Variants in RBM39 observed in about 807,000 individuals in gnomAD.
The protein encoded by RBM39 is RNA binding motif protein 39, also known as RNA-binding protein 39.
RBM39 carries 12 observed loss-of-function variants against 79.6 expected under a neutral mutation model. That is an observed-to-expected ratio of 0.15 (90% confidence interval 0.10 to 0.24). RBM39 has a LOEUF of 0.24. RBM39 is among the 10% of genes least tolerant of loss of function. The probability of loss-of-function intolerance (pLI) is 1.00; values close to 1 mark genes in which losing one functional copy is unlikely to be tolerated. For missense variants in RBM39, 243 were observed against 653.4 expected (o/e 0.37, Z 6.85); for synonymous variants, 185 against 208.4 (o/e 0.89, Z 0.97).
chr20:35,724,989 T>G, intron 7 of RBM39, 49 bp downstream of exon 7: 8 of 1,295,370 alleles, frequency 6.2e-6, no homozygotes, highest in Non-Finnish European at 8.8e-6. Flanking sequence ...TTACATGTTT[T>G]CTCTTGCAAT....
intron 3 of RBM39, among the ~76,000 whole-genome samples, chr20:35,733,848 T>C (rs1284191657): frequency 1.3e-5 from 2 of 152,198 alleles, no homozygotes; most frequent in Non-Finnish European, 2.9e-5. Context: ...AACATATCTT[T>C]CTGCTCACTT....
At chr20:35,727,880 C>A (rs1362224165) in intron 6 of RBM39, among the ~76,000 whole-genome samples, 1 of 152,182 alleles carries the variant, frequency 6.6e-6, no homozygotes, top group East Asian at 1.9e-4. Flanking sequence ...AACTTCTGAC[C>A]TCAGGTGATC....
chr20:35,719,086 CTACATA>C (rs2037558553), intron 9 of RBM39, among the ~76,000 whole-genome samples: 1 of 152,166 alleles, frequency 6.6e-6, no homozygotes, highest in Non-Finnish European at 1.5e-5. Context: ...GGTAAGCAAA[CTACATA>C]TACCCCATGA....
At chr20:35,715,101 A>G (rs1327507599) in intron 10 of RBM39, among the ~76,000 whole-genome samples, 1 of 152,196 alleles carries the variant, frequency 6.6e-6, no homozygotes, top group East Asian at 1.9e-4. Context: ...TGTAGATATA[A>G]GCTAACAATT....
intron 2 of RBM39, chr20:35,739,801 AC>A: frequency 3.9e-6 from 1 of 255,884 alleles, no homozygotes; most frequent in Non-Finnish European, 7.9e-6. Flanking sequence ...CCAAATTGGT[AC>A]CACATGGTCG....
intron 8 of RBM39, among the ~76,000 whole-genome samples, chr20:35,723,240 AAAAAAG>A (rs1224374174): frequency 1.3e-5 from 2 of 152,240 alleles, no homozygotes; most frequent in African/African-American, 2.4e-5. Context: ...CAAAAAAAAA[AAAAAAG>A]AAAAGTTGTC....
chr20:35,731,024 G>A (rs559320016), intron 4 of RBM39, among the ~76,000 whole-genome samples: 55 of 152,142 alleles, frequency 3.6e-4, no homozygotes, highest in Admixed American at 3.5e-3. Flanking sequence ...CTCATTAATA[G>A]CTTATCTGAA....
At chr20:35,722,053 A>G (rs1034484312) in intron 8 of RBM39, among the ~76,000 whole-genome samples, 176 bp from the exon 9 acceptor site, 2 of 152,176 alleles carry the variant, frequency 1.3e-5, no homozygotes, top group African/African-American at 4.8e-5. Context: ...AAATTCAGAA[A>G]GAGGAGGTAG....
At chr20:35,707,285 C>T in intron 13 of RBM39, 84 bp from the exon 14 acceptor site, 1 of 814,226 alleles carries the variant, frequency 1.2e-6, no homozygotes, top group Non-Finnish European at 1.9e-6. Context: ...AACCAAAAAC[C>T]CACCCCAAGC....
intron 9 of RBM39, among the ~76,000 whole-genome samples, chr20:35,720,830 A>G (rs1399354950): frequency 6.6e-6 from 1 of 152,222 alleles, no homozygotes. Context: ...ACTGTTAGGC[A>G]GAACAGCCTT....
At chr20:35,733,457 G>C (rs1202656664) in intron 3 of RBM39, among the ~76,000 whole-genome samples, 1 of 151,914 alleles carries the variant, frequency 6.6e-6, no homozygotes, top group Non-Finnish European at 1.5e-5. Flanking sequence ...AAAAATGCAA[G>C]AAGTAGTGGG....
chr20:35,706,796 G>C (rs2035781678), intron 14 of RBM39, among the ~76,000 whole-genome samples: 2 of 152,154 alleles, frequency 1.3e-5, no homozygotes, highest in South Asian at 2.1e-4. Context: ...GGTAGGCTAA[G>C]GTGGGCGGAT....
At chr20:35,711,238 T>C (rs1231889524) in intron 12 of RBM39, among the ~76,000 whole-genome samples, 2 of 152,118 alleles carry the variant, frequency 1.3e-5, no homozygotes, top group Non-Finnish European at 2.9e-5. Context: ...GAACTAAAAA[T>C]TTTCTTAGTT....
intron 10 of RBM39, among the ~76,000 whole-genome samples, chr20:35,715,102 G>C (rs957054643): frequency 1.3e-5 from 2 of 152,112 alleles, no homozygotes; most frequent in Admixed American, 6.5e-5. Flanking sequence ...GTAGATATAA[G>C]CTAACAATTT....
chr20:35,727,755 T>C (rs113014094), intron 6 of RBM39, among the ~76,000 whole-genome samples: 15,383 of 151,848 alleles, frequency 0.1, 809 homozygotes, highest in South Asian at 0.14. Flanking sequence ...GTTCAAGCGA[T>C]TCTCCTGCCT....
In RBM39 at chr20:35,704,651, A is replaced by C; in HGVS notation, c.1492+17T>G. The C allele has an allele frequency of 6.2e-7, 1 of 1,613,672 alleles. No individual in the cohort carries two copies. The highest frequency in any genetic ancestry group is 8.5e-7 in the Non-Finnish European group (1 of 1,179,602). ...GAGCCTTAATAACAATCAGTCAAAA[A>C]ATAAATTCAAACTCACCAGCAAACC... On this transcript the variant is annotated intron_variant, in intron 16 of 16. Transcript: ENST00000253363.
chr20:35,720,537 G>A (rs1277583958), intron 9 of RBM39, among the ~76,000 whole-genome samples: 1 of 151,748 alleles, frequency 6.6e-6, no homozygotes, highest in East Asian at 1.9e-4. Context: ...ACTTTAGGAG[G>A]CCGAAGCAGA....
intron 8 of RBM39, among the ~76,000 whole-genome samples, chr20:35,723,389 G>C (rs2038240697): frequency 1.3e-5 from 2 of 152,138 alleles, no homozygotes; most frequent in Admixed American, 6.6e-5. Context: ...TCCCGCCAAT[G>C]CACACCCAGC....
chr20:35,709,922 A>T (rs1051720049), intron 12 of RBM39, among the ~76,000 whole-genome samples: 1 of 152,192 alleles, frequency 6.6e-6, no homozygotes, highest in Non-Finnish European at 1.5e-5. Context: ...AAATCTCTGG[A>T]GTTTTCTTAA....
Sources: allele counts gnomAD v4.1 joint callset (sites outside exome capture counted in the v4.1 genomes callset), GRCh38; gene constraint gnomAD v4.1.1; transcripts MANE v1.5; gene names NCBI Gene and HGNC (gene_info 2026-07-23, HGNC 2026-07-21).